Variants in SFMBT1 observed in about 807,000 individuals in gnomAD.
SFMBT1 encodes the protein scm-like with four MBT domains protein 1.
SFMBT1 carries 32 observed loss-of-function variants against 108.7 expected under a neutral mutation model. The ratio of observed to expected loss-of-function variants is 0.29; its 90% CI spans 0.22 to 0.40. SFMBT1 has a LOEUF of 0.40. Among genes scored for constraint, SFMBT1 ranks in the 10% least tolerant of loss-of-function variants. The pLI, the probability that SFMBT1 is intolerant of heterozygous loss-of-function variation, is 1.00. For missense variants in SFMBT1, 816 were observed against 1,059.6 expected, an observed-to-expected ratio of 0.77 and a Z score of 3.19; for synonymous variants, 348 against 369.5, an observed-to-expected ratio of 0.94 and a Z score of 0.67.
At chr3:52,907,468 G>GAAAGACCTGCAGGTATTCTGTGTCC in intron 18 of SFMBT1, 87 bp downstream of exon 18, 1 of 1,529,284 alleles carries the variant, frequency 6.5e-7, no homozygotes, top group Non-Finnish European at 8.8e-7. Flanking sequence ...ATCTGAGTTA[G>GAAAGACCTGCAGGTATTCTGTGTCC]AAAGACCTGC....
At position 53,027,835 on chromosome 3, in the gene SFMBT1, CCT is replaced by C. The variant is rs1386225176; in HGVS notation, c.-131+17979_-131+17980del. Among the ~76,000 whole-genome samples the C allele has an allele frequency of 3.9e-5, 6 of 152,214 alleles. No homozygotes were observed. In the East Asian group the frequency reaches 9.6e-4, roughly 24 times the overall value. On this transcript the variant is annotated intron_variant, in intron 1 of 20. Transcript: ENST00000394752. ...TGCCTTTAAGCCATTGTTTCTTCCC[CCT>C]GTTCTTTAACCCATTTATGCTGGAG...
chr3:52,947,347 G>T (rs1361804491), intron 3 of SFMBT1, among the ~76,000 whole-genome samples: 1 of 149,024 alleles, frequency 6.7e-6, no homozygotes, highest in Non-Finnish European at 1.5e-5. Context: ...TCGATCTCCT[G>T]ACCTTGTGAT....
At chr3:52,965,733 G>T (rs1175072876) in intron 2 of SFMBT1, among the ~76,000 whole-genome samples, 2 of 152,156 alleles carry the variant, frequency 1.3e-5, no homozygotes, top group Non-Finnish European at 2.9e-5. Flanking sequence ...ACGGCCGGGT[G>T]CGGTGGCTCA....
chr3:52,952,923 C>T (rs1575398421), intron 3 of SFMBT1, among the ~76,000 whole-genome samples: 1 of 152,166 alleles, frequency 6.6e-6, no homozygotes, highest in African/African-American at 2.4e-5. Flanking sequence ...CTTACTGTTT[C>T]TACCATGTGA....
intron 1 of SFMBT1, chr3:53,044,903 A>C (rs1449181289): frequency 6.6e-6 from 1 of 152,312 alleles, no homozygotes; most frequent in African/African-American, 2.4e-5. Context: ...TTTAGACCCT[A>C]CGGGAACAGC....
intron 14 of SFMBT1, 27 bp from the exon 15 acceptor site, chr3:52,913,644 C>T (rs769658788): frequency 1.2e-6 from 2 of 1,610,460 alleles, no homozygotes; most frequent in Non-Finnish European, 1.7e-6. Flanking sequence ...AACAAATATT[C>T]AAAACAGTCA....
intron 1 of SFMBT1, among the ~76,000 whole-genome samples, chr3:53,037,255 C>T (rs761797559): frequency 6.6e-6 from 1 of 152,142 alleles, no homozygotes; most frequent in Non-Finnish European, 1.5e-5. Flanking sequence ...CCAGAAGAGA[C>T]CACCCAGCCC....
At position 52,926,125 on chromosome 3, in the gene SFMBT1, C is replaced by A; in HGVS notation, c.1049-12G>T. 6.2e-7 allele frequency: 1 copy of A among 1,606,162 alleles called. No individual in the cohort carries two copies. Among genetic ancestry groups the A allele is most frequent in the East Asian group, 2.3e-5 (1 of 43,846 alleles). ...CTGGCTTGGGTAGCCTAGGTGGGGA[C>A]AAATGAACAATGAGTCACACTACCA... On this transcript the variant is annotated splice_polypyrimidine_tract_variant and intron_variant, in intron 9 of 20. Transcript: ENST00000394752.
In SFMBT1 at chr3:53,027,202, G is replaced by C. The variant is rs544405213; in HGVS notation, c.-131+18614C>G. ...ATTCTTACACTAATAATACAATATA[G>C]AAGTATTCACAAATCACTAACTCAC... is the stretch of plus-strand genomic sequence containing the variant. On this transcript the variant is annotated intron_variant, in intron 1 of 20. Coordinates refer to ENST00000394752, the MANE Select transcript of SFMBT1 (RefSeq NM_016329.4). 2.7e-4 allele frequency among the ~76,000 whole-genome samples: 41 copies of C among 152,148 alleles called. 1 individual carries two copies. The highest frequency in any genetic ancestry group is 3.4e-3 in the Middle Eastern group (1 of 294).
At chr3:53,039,349 T>C (rs1409528928) in intron 1 of SFMBT1, among the ~76,000 whole-genome samples, 1 of 145,624 alleles carries the variant, frequency 6.9e-6, no homozygotes, top group Non-Finnish European at 1.5e-5. Context: ...GTTAAGTGAA[T>C]TAAGGCAATC....
intron 1 of SFMBT1, among the ~76,000 whole-genome samples, chr3:53,004,772 A>G (rs1698682004): frequency 6.7e-6 from 1 of 149,956 alleles, no homozygotes; most frequent in Non-Finnish European, 1.5e-5. Context: ...TGTGTAACAT[A>G]GGGCCTCCAC....
At chr3:52,964,966 T>C (rs1466078317) in intron 2 of SFMBT1, among the ~76,000 whole-genome samples, 3 of 152,192 alleles carry the variant, frequency 2.0e-5, no homozygotes, top group Admixed American at 2.0e-4. Flanking sequence ...AGAATGATTA[T>C]TGCAGTGAAC....
At chr3:52,934,974 G>A (rs1702964961) in intron 4 of SFMBT1, 73 bp from the exon 5 acceptor site, 2 of 1,204,234 alleles carry the variant, frequency 1.7e-6, no homozygotes, top group Admixed American at 1.9e-5. Context: ...AATCAGTGGA[G>A]ATGGTTTAAA....
intron 3 of SFMBT1, among the ~76,000 whole-genome samples, chr3:52,945,140 A>AAAAAAAAAAAAAAAAAAAAAAAAAAAAC (rs1368281318): frequency 6.8e-6 from 1 of 146,172 alleles, no homozygotes; most frequent in Non-Finnish European, 1.5e-5. Flanking sequence ...TCCAATTAAA[A>AAAAAAAAAAAAAAAAAAAAAAAAAAAAC]AAAAAAAAAA....
chr3:53,025,582 C>T (rs1055216580), intron 1 of SFMBT1, among the ~76,000 whole-genome samples: 12 of 152,000 alleles, frequency 7.9e-5, no homozygotes, highest in African/African-American at 1.7e-4. Flanking sequence ...TGCCACTGCA[C>T]TCCAGCCTGG....
At chr3:53,038,803 C>G (rs1478202147) in intron 1 of SFMBT1, among the ~76,000 whole-genome samples, 2 of 152,180 alleles carry the variant, frequency 1.3e-5, no homozygotes, top group African/African-American at 2.4e-5. Context: ...AATACAGAAA[C>G]AAGAGTGAAA....
intron 2 of SFMBT1, among the ~76,000 whole-genome samples, chr3:52,964,880 T>C (rs998493685): frequency 6.6e-6 from 1 of 152,220 alleles, no homozygotes; most frequent in African/African-American, 2.4e-5. Flanking sequence ...ATCAAATGTA[T>C]ACATATACAT....
chr3:52,939,505 CAG>C (rs1449901696), intron 4 of SFMBT1, among the ~76,000 whole-genome samples: 1 of 152,148 alleles, frequency 6.6e-6, no homozygotes, highest in Non-Finnish European at 1.5e-5. Context: ...ACCTGGGAGG[CAG>C]AGGTTGTAGT....
intron 1 of SFMBT1, among the ~76,000 whole-genome samples, chr3:53,027,187 T>A (rs775030972): frequency 7.2e-5 from 11 of 152,218 alleles, no homozygotes; most frequent in Non-Finnish European, 1.5e-4. Context: ...ATTCTTACAC[T>A]AATAATACAA....
Sources: allele counts gnomAD v4.1 joint callset (sites outside exome capture counted in the v4.1 genomes callset), GRCh38; gene constraint gnomAD v4.1.1; transcripts MANE v1.5; gene names NCBI Gene and HGNC (gene_info 2026-07-23, HGNC 2026-07-21).